SMARCAL1: variants seen among roughly 807,000 people sequenced by gnomAD.
SMARCAL1 encodes ATP-driven annealing helicase.
SMARCAL1 carries 58 observed loss-of-function variants against 94.5 expected under a neutral mutation model. The ratio of observed to expected loss-of-function variants is 0.61; its 90% CI spans 0.50 to 0.76. The LOEUF (loss-of-function observed/expected upper bound fraction) is 0.76. Among genes scored for constraint, SMARCAL1 ranks in the 30% least tolerant of loss-of-function variants. SMARCAL1 has a pLI of 0.00. For missense variants in SMARCAL1, 1,051 were observed against 1,177.9 expected, an observed-to-expected ratio of 0.89 and a Z score of 1.58; for synonymous variants, 422 against 455.1, an observed-to-expected ratio of 0.93 and a Z score of 0.93.
intron 10 of SMARCAL1, among the ~76,000 whole-genome samples, chr2:216,446,325 T>C (rs1219111898): frequency 6.6e-6 from 1 of 152,254 alleles, no homozygotes; most frequent in East Asian, 1.9e-4. Flanking sequence ...AGGTATCACC[T>C]ATTAAGGTTC....
Position 216,474,128 on chromosome 2 carries a change from C to CTTTTTTTTTTTTTTTTTTTTTT in SMARCAL1, c.2245-1133_2245-1112dup, listed in dbSNP as rs1182416023. Among the ~76,000 whole-genome samples, 4 of 64,926 alleles carry CTTTTTTTTTTTTTTTTTTTTTT rather than the reference C, an allele frequency of 6.2e-5. 1 individual carries two copies. The highest frequency in any genetic ancestry group is 2.3e-4 in the African/African-American group (4 of 17,188). The allele number at this position is 64,926 out of a possible 152,430, so 42.6% of individuals were successfully genotyped here. A position where few individuals can be genotyped will look rare whatever the true frequency, so the allele number is the denominator to read the frequency against. On this transcript the variant is annotated intron_variant, in intron 14 of 17. Coordinates refer to ENST00000357276, the MANE Select transcript of SMARCAL1 (RefSeq NM_014140.4). ...ATTTATATAACATTTGTATAGCATT[C>CTTTTTTTTTTTTTTTTTTTTTT]TTTTTTTTTTTTTTTTTTTTTTTTT...
chr2:216,416,427 A>AC (rs3214962), intron 4 of SMARCAL1, 120 bp downstream of exon 4: 58 of 778,326 alleles, frequency 7.5e-5, no homozygotes, highest in East Asian at 3.9e-4. Flanking sequence ...CTTTCAGGGC[A>AC]CCCCCCCCAA....
chr2:216,468,994 T>C (rs1418249612), intron 14 of SMARCAL1, among the ~76,000 whole-genome samples: 1 of 152,106 alleles, frequency 6.6e-6, no homozygotes, highest in East Asian at 1.9e-4. Flanking sequence ...ATTACAGGCA[T>C]GAGCCACCAC....
At chr2:216,469,661 G>C (rs1436093983) in intron 14 of SMARCAL1, among the ~76,000 whole-genome samples, 1 of 152,122 alleles carries the variant, frequency 6.6e-6, no homozygotes, top group Non-Finnish European at 1.5e-5. Flanking sequence ...GGTTGCTATC[G>C]TGTGAATATT....
rs144613441 is a variant in SMARCAL1, at chr2:216,450,827, G to A, written c.1852-19G>A. 3.9e-5 allele frequency: 62 copies of A among 1,603,672 alleles called. No individual in the cohort carries two copies. Among genetic ancestry groups the A allele is most frequent in the South Asian group, 2.2e-4 (20 of 90,832 alleles). On this transcript the variant is annotated intron_variant, in intron 11 of 17. Coordinates refer to ENST00000357276, the MANE Select transcript of SMARCAL1 (RefSeq NM_014140.4). ...CTGAAAGGAGCCTCATGGGGCTGTC[G>A]CTGTCTTGTTCTCTGCAGATGCCTT...
chr2:216,447,299 C>T, intron 11 of SMARCAL1, 141 bp downstream of exon 11: 1 of 1,085,820 alleles, frequency 9.2e-7, no homozygotes, highest in Non-Finnish European at 1.4e-6. Flanking sequence ...CTGTTTCTTA[C>T]TATGGCCTTG....
intron 10 of SMARCAL1, among the ~76,000 whole-genome samples, chr2:216,444,365 C>T (rs1694259921): frequency 6.6e-6 from 1 of 151,496 alleles, no homozygotes; most frequent in Non-Finnish European, 1.5e-5. Flanking sequence ...CAGAATAATT[C>T]AGTAAAGCAA....
At chr2:216,425,863 G>A (rs551659720) in intron 6 of SMARCAL1, among the ~76,000 whole-genome samples, 2 of 152,298 alleles carry the variant, frequency 1.3e-5, no homozygotes, top group East Asian at 1.9e-4. Flanking sequence ...TCTTATTCTG[G>A]GTTGTGGACT....
intron 7 of SMARCAL1, among the ~76,000 whole-genome samples, chr2:216,429,809 C>G (rs542631564): frequency 3.3e-5 from 5 of 152,070 alleles, no homozygotes; most frequent in East Asian, 1.9e-4. Flanking sequence ...AGCCCTTCCC[C>G]CTAATTCTTT....
intron 8 of SMARCAL1, 70 bp from the exon 9 acceptor site, chr2:216,435,268 G>A: frequency 6.5e-7 from 1 of 1,540,984 alleles, no homozygotes; most frequent in Admixed American, 1.7e-5. Context: ...GCATGAGACT[G>A]CTGCTGTCAC....
rs772559717 is a variant in SMARCAL1, at chr2:216,435,381, A to G, written c.1529A>G (p.Asn510Ser). Residue 510 changes from asparagine (N) to serine (S), a missense_variant, in exon 9 of 18, where the codon AAC becomes AGC. By Grantham distance (46) the Asn-to-Ser change is conservative. Coordinates refer to ENST00000357276, the MANE Select transcript of SMARCAL1 (RefSeq NM_014140.4). ...WLPSLSPDCINVVVTGKDRLT... is the reference protein window; with the variant it reads ...WLPSLSPDCISVVVTGKDRLT... ...CCATCTCTGAGCCCAGATTGCATCA[A>G]CGTCGTGGTGACTGGGAAGGACCGC... 5 of 1,614,176 alleles carry G rather than the reference A, an allele frequency of 3.1e-6. No homozygotes were observed. The South Asian group carries it at 4.4e-5, about 14-fold the overall frequency.
chr2:216,464,280 G>A (rs1018078544), intron 12 of SMARCAL1, among the ~76,000 whole-genome samples: 7 of 152,178 alleles, frequency 4.6e-5, no homozygotes, highest in East Asian at 1.9e-4. Flanking sequence ...TGGTTCACAT[G>A]GGTCTGGTGT....
chr2:216,433,499 G>T (rs1694009867), intron 8 of SMARCAL1, among the ~76,000 whole-genome samples: 1 of 152,162 alleles, frequency 6.6e-6, no homozygotes, highest in African/African-American at 2.4e-5. Flanking sequence ...AATCTCAGAG[G>T]TTAAGCTCCA....
At position 216,468,045 on chromosome 2, in the gene SMARCAL1, A is replaced by C. The variant is rs369634860; in HGVS notation, c.2243A>C (p.Lys748Thr). ...LDAITQELERKHVQHIRIDGS... is the reference protein window; with the variant it reads ...LDAITQELERTHVQHIRIDGS... ...GCAATTACGCAAGAGCTTGAGAGAA[A>C]GGTGAGCTCCCTTTGAAATTCACCA... Residue 748 changes from lysine to threonine, a missense_variant and splice_region_variant, in exon 14 of 18, where the codon AAG becomes ACG. Around this residue, in one of 3 missense-constraint regions of SMARCAL1, gnomAD observed 642 missense variants for 754.7 expected, o/e 0.85. Coordinates refer to ENST00000357276, the MANE Select transcript of SMARCAL1 (RefSeq NM_014140.4). 1.9e-6 allele frequency: 3 copies of C among 1,607,572 alleles called. No individual in the cohort carries two copies. In the East Asian group the frequency reaches 6.7e-5, roughly 36 times the overall value.
intron 1 of SMARCAL1, among the ~76,000 whole-genome samples, chr2:216,413,557 G>T (rs2106013003): frequency 6.6e-6 from 1 of 152,148 alleles, no homozygotes; most frequent in Non-Finnish European, 1.5e-5. Flanking sequence ...TTTCAACTGT[G>T]GTTATTGATG....
At chr2:216,440,793 G>A (rs1452816084) in intron 10 of SMARCAL1, among the ~76,000 whole-genome samples, 1 of 152,056 alleles carries the variant, frequency 6.6e-6, no homozygotes, top group Non-Finnish European at 1.5e-5. Flanking sequence ...TTGTTGGGGG[G>A]CTGTTGTGTG....
intron 12 of SMARCAL1, among the ~76,000 whole-genome samples, chr2:216,462,493 T>C (rs903851412): frequency 6.6e-6 from 1 of 152,200 alleles, no homozygotes; most frequent in African/African-American, 2.4e-5. Context: ...TCATGAAGTC[T>C]GAGCTCACTA....
At chr2:216,446,889 A>G (rs937584195) in intron 10 of SMARCAL1, 129 bp from the exon 11 acceptor site, 3 of 1,019,958 alleles carry the variant, frequency 2.9e-6, no homozygotes, top group Non-Finnish European at 4.5e-6. Flanking sequence ...TGGCAATGCC[A>G]TTAGGTTCTC....
chr2:216,427,888 AG>A (rs1693871502), intron 6 of SMARCAL1, among the ~76,000 whole-genome samples: 1 of 152,250 alleles, frequency 6.6e-6, no homozygotes, highest in South Asian at 2.1e-4. Flanking sequence ...TGTATGAAAT[AG>A]AGAACCAGCC....
Sources: gnomAD v4.1 joint callset for allele counts (sites outside exome capture counted in the v4.1 genomes callset) on GRCh38, gnomAD v4.1.1 for gene constraint, gnomAD v4.1.1 regional missense constraint, MANE v1.5 for transcripts, NCBI Gene and HGNC (gene_info 2026-07-23, HGNC 2026-07-21) for gene names.